Variants in SIX5 observed in about 807,000 individuals in gnomAD.
SIX5 encodes the protein SIX homeobox 5.
Under a neutral mutation model 37.1 loss-of-function variants are expected in SIX5, and 21 were observed. The observed-to-expected ratio is 0.57, with a 90% CI of 0.40 to 0.81. SIX5 has a LOEUF of 0.81. SIX5 is among the 40% of genes least tolerant of loss of function. The pLI, the probability that SIX5 is intolerant of heterozygous loss-of-function variation, is 0.00. For synonymous variants in SIX5, 626 were observed against 505.9 expected (o/e 1.24, Z -3.19); for missense variants, 1,137 against 1,025.1 (o/e 1.11, Z -1.49).
At position 45,766,959 on chromosome 19, in the gene SIX5, G is replaced by C. The variant is rs368919157; in HGVS notation, c.1000C>G (p.Pro334Ala). The C allele has an allele frequency of 1.3e-6, 2 of 1,587,964 alleles. No homozygotes were observed. Among genetic ancestry groups the C allele is most frequent in the Non-Finnish European group, 1.7e-6 (2 of 1,169,472 alleles). ...NGSFLAASGS[P>A]AVLLNGGPVI... is the part of the protein sequence containing the mutation. ...GGGCCCCCGTTGAGGAGCACTGCTGGGGAGCCGCTGGCTGCCAGGAAGCTC... is the reference window on the plus strand; with the variant it reads ...GGGCCCCCGTTGAGGAGCACTGCTGCGGAGCCGCTGGCTGCCAGGAAGCTC... The change falls in exon 2 of 3, where the codon CCA (proline) becomes GCA (alanine). Residue 334 changes from proline (P) to alanine (A), a missense_variant. Around this residue, in one of 3 missense-constraint regions of SIX5, gnomAD observed 787 missense variants for 621.4 expected, o/e 1.27. Coordinates refer to ENST00000317578, the MANE Select transcript of SIX5 (RefSeq NM_175875.5).
chr19:45,766,217 G>GT (rs1015194284), intron 2 of SIX5, 106 bp from the exon 3 acceptor site: 2 of 1,507,672 alleles, frequency 1.3e-6, no homozygotes, highest in African/African-American at 2.8e-5. Flanking sequence ...GAGCCTTGTG[G>GT]TGGGCCTTGG....
In SIX5 at chr19:45,765,297, T is replaced by G; in HGVS notation, c.*204A>C. 1.4e-6 allele frequency: 1 copy of G among 720,948 alleles called. No homozygotes were observed. The highest frequency in any genetic ancestry group is 1.7e-5 in the African/African-American group (1 of 57,590). The allele number at this position is 720,948 out of a possible 1,614,324, so 44.7% of individuals were successfully genotyped here. On this transcript the variant is annotated 3_prime_UTR_variant, in exon 3 of 3. Transcript: ENST00000317578. The stretch of plus-strand genomic sequence containing the variant: ...TGGGGAGGGCTGTAACAGAGAGGCC[T>G]CCCATCCAAAGGGGGATGGAGACCT...
chr19:45,766,011 G>A lies in SIX5; in HGVS notation c.1710C>T (p.Ser570=). 1 of 1,608,844 alleles carries A rather than the reference G, an allele frequency of 6.2e-7. No homozygotes were observed. The highest frequency in any genetic ancestry group is 1.3e-5 in the African/African-American group (1 of 74,966). The part of the protein sequence containing the change: ...KIILTATFPT[S]MLVSQVLPPA... ...GCGGCAGGACCTGGGAGACGAGCAT[G>A]CTGGTGGGGAAGGTGGCGGTGAGGA... is the stretch of plus-strand genomic sequence containing the variant. The change falls in exon 3 of 3, where the codon AGC becomes AGT. Residue 570 remains serine (S), a synonymous_variant. Transcript: ENST00000317578.
intron 1 of SIX5, chr19:45,767,765 C>T (rs1969108511): frequency 3.7e-6 from 2 of 544,072 alleles, no homozygotes; most frequent in East Asian, 3.1e-5. Flanking sequence ...CCTCTAGTGC[C>T]CCCCGCAGTG....
intron 1 of SIX5, 35 bp downstream of exon 1, chr19:45,768,007 G>C: frequency 6.3e-7 from 1 of 1,584,874 alleles, no homozygotes; most frequent in Non-Finnish European, 8.5e-7. Flanking sequence ...GATGTCCCCG[G>C]GAGAGCTGGA....
chr19:45,767,576 A>C (rs1426678139), intron 1 of SIX5, among the ~76,000 whole-genome samples: 2 of 152,108 alleles, frequency 1.3e-5, no homozygotes, highest in Non-Finnish European at 2.9e-5. Context: ...GTTACAGGGA[A>C]ACCGGAGCTG....
Position 45,765,883 on chromosome 19 carries a change from G to C in SIX5, c.1838C>G (p.Ala613Gly), listed in dbSNP as rs994404687. The change falls in exon 3 of 3, where the codon GCC (alanine) becomes GGC (glycine). Residue 613 changes from alanine (A) to glycine (G), a missense_variant. This residue lies in a region of SIX5 where 787 missense variants were observed against 621.4 expected (regional missense o/e 1.27). Coordinates refer to ENST00000317578, the MANE Select transcript of SIX5 (RefSeq NM_175875.5). Reference sequence around the variant, plus strand: ...CTGCTGTGCAGAAAGGGTGCCTAGGGCGTGAGCCTCTGGGAGAGCAGGGCT... The same window carrying C: ...CTGCTGTGCAGAAAGGGTGCCTAGGCCGTGAGCCTCTGGGAGAGCAGGGCT... The part of the protein sequence containing the change: ...APSPALPEAH[A>G]LGTLSAQQPP... The C allele has an allele frequency of 8.2e-6, 13 of 1,594,576 alleles. No homozygotes were observed. The highest frequency in any genetic ancestry group is 5.2e-5 in the Admixed American group (3 of 57,994).
rs1050656842 is a variant in SIX5, at chr19:45,766,639, C to G, written c.1320G>C (p.Leu440=). 6.8e-7 allele frequency: 1 copy of G among 1,476,858 alleles called. No homozygotes were observed. Among genetic ancestry groups the G allele is most frequent in the Non-Finnish European group, 9.0e-7 (1 of 1,111,672 alleles). The allele number at this position is 1,476,858 out of a possible 1,614,324, so 91.5% of individuals were successfully genotyped here. A position where few individuals can be genotyped will look rare whatever the true frequency, so the allele number is the denominator to read the frequency against. The change falls in exon 2 of 3, where the codon CTG becomes CTC. Residue 440 remains leucine (L), a synonymous_variant. Transcript: ENST00000317578. ...CCACAGCAGGCACTGGCCCCGGGGGCAGAGGAAAGGTGGCAGCCGTCGGGG... is the reference window on the plus strand; with the variant it reads ...CCACAGCAGGCACTGGCCCCGGGGGGAGAGGAAAGGTGGCAGCCGTCGGGG... ...PGPPTAATFP[L]PPGPVPAVAA... is the part of the protein sequence containing the mutation.
At position 45,768,587 on chromosome 19, in the gene SIX5, G is replaced by C. The variant is rs950267055; in HGVS notation, c.258C>G (p.Phe86Leu). The C allele has an allele frequency of 7.4e-6, 10 of 1,359,480 alleles. No individual in the cohort carries two copies. The Admixed American group carries it at 3.9e-4, about 53-fold the overall frequency. 84.2% of individuals were successfully genotyped at this position (1,359,480 alleles called of 1,614,324 possible). The change falls in exon 1 of 3, where the codon TTC becomes TTG. Residue 86 changes from phenylalanine to leucine, a missense_variant. Physicochemically the swap from Phe to Leu is conservative, Grantham distance 22 (BLOSUM62 0). This residue lies in a region of SIX5 where 331 missense variants were observed against 360.9 expected (regional missense o/e 0.92). Transcript: ENST00000317578. ...AASEPPTGLRFSPEQVACVCE... is the reference protein window; with the variant it reads ...AASEPPTGLRLSPEQVACVCE... ...AGACGCACGCCACCTGCTCGGGCGA[G>C]AAGCGGAGGCCCGTGGGCGGTTCGG...
chr19:45,766,275 C>T, intron 2 of SIX5, 75 bp downstream of exon 2: 3 of 1,499,330 alleles, frequency 2.0e-6, no homozygotes, highest in Non-Finnish European at 2.7e-6. Context: ...AGCCCAGGGA[C>T]AGCCCCTCCC....
Position 45,768,939 on chromosome 19 carries a change from T to TC in SIX5, c.-96dup. Reference sequence around the variant, plus strand: ...ACCTGTCCCCCCTTTTCGCCCCCACTCCCCGCTCTTCTCGATCTTCTTTCT... The same window carrying TC: ...ACCTGTCCCCCCTTTTCGCCCCCACTCCCCCGCTCTTCTCGATCTTCTTTCT... On this transcript the variant is annotated 5_prime_UTR_variant, in exon 1 of 3. Coordinates refer to ENST00000317578, the MANE Select transcript of SIX5 (RefSeq NM_175875.5). 1.1e-6 allele frequency: 1 copy of TC among 899,060 alleles called. No individual in the cohort carries two copies. 55.7% of individuals were successfully genotyped at this position (899,060 alleles called of 1,614,324 possible).
Position 45,767,124 on chromosome 19 carries a change from C to T in SIX5, c.835G>A (p.Glu279Lys). ...AGGTCCTCAGGACTTCGGCTGGACT[C>T]GTCCTCAGTCGTGGGATTCCCATCA... ...ESDGNPTTED[E>K]SSRSPEDLER... The change falls in exon 2 of 3, where the codon GAG becomes AAG. Residue 279 changes from glutamate (E) to lysine (K), a missense_variant. Glu to Lys is a moderately conservative substitution (Grantham distance 56). Coordinates refer to ENST00000317578, the MANE Select transcript of SIX5 (RefSeq NM_175875.5). 1.2e-6 allele frequency: 2 copies of T among 1,612,260 alleles called. No individual in the cohort carries two copies. The highest frequency in any genetic ancestry group is 2.2e-5 in the East Asian group (1 of 44,884).
chr19:45,765,842 C>T lies in SIX5; in HGVS notation c.1879G>A (p.Ala627Thr). The change falls in exon 3 of 3, where the codon GCC becomes ACC. Residue 627 changes from alanine to threonine, a missense_variant. Coordinates refer to ENST00000317578, the MANE Select transcript of SIX5 (RefSeq NM_175875.5). ...GGCAGGCTGGTGCTGGAGGTGGTGG[C>T]AGCGGCGGGGGGTGGCTGCTGTGCA... ...LSAQQPPPAAATTSSTSLPFS... is the reference protein window; with the variant it reads ...LSAQQPPPAATTTSSTSLPFS... 6.2e-7 allele frequency: 1 copy of T among 1,600,688 alleles called. No homozygotes were observed. Among genetic ancestry groups the T allele is most frequent in the Non-Finnish European group, 8.5e-7 (1 of 1,179,192 alleles).
Position 45,766,749 on chromosome 19 carries a change from CA to C in SIX5, c.1209del (p.Glu404ArgfsTer63). ...VRLEEAQSEA[P>X]ETKGAQVAAP... Reference sequence around the variant, plus strand: ...GCAGCCACCTGGGCCCCTTTGGTCTCAGGGGCCTCCGACTGAGCCTCCTCCA... The same window carrying C: ...GCAGCCACCTGGGCCCCTTTGGTCTCGGGGCCTCCGACTGAGCCTCCTCCA... On this transcript the variant is annotated frameshift_variant, in exon 2 of 3. Transcript: ENST00000317578. LOFTEE classifies it high-confidence loss of function. 1 of 1,579,282 alleles carries C rather than the reference CA, an allele frequency of 6.3e-7. No homozygotes were observed. Among genetic ancestry groups the C allele is most frequent in the Admixed American group, 1.8e-5 (1 of 56,882 alleles).
chr19:45,768,230 G>GT lies in SIX5; in HGVS notation c.614_615insA (p.Tyr206LeufsTer66). ...CGCGGGAGCGCTCCTTGAAGCAGTA[G>GT]ACTGTCTCCTCGCCGTCCCAGATGG... On this transcript the variant is annotated frameshift_variant, in exon 1 of 3. Transcript: ENST00000317578. LOFTEE classifies it high-confidence loss of function. 3.1e-6 allele frequency: 5 copies of GT among 1,613,230 alleles called. No homozygotes were observed. Among genetic ancestry groups the GT allele is most frequent in the Non-Finnish European group, 4.2e-6 (5 of 1,179,740 alleles).
At position 45,766,831 on chromosome 19, in the gene SIX5, C is replaced by A. The variant is rs982049198; in HGVS notation, c.1128G>T (p.Gly376=). ...CCAGAGAGGTCTTGGTCTCGCTGGC[C>A]CCCTGAGGGCTGGGCTGCGGTGGAG... ...GAPPPQPSPQ[G]ASETKTSLVL... Residue 376 remains glycine, a synonymous_variant, in exon 2 of 3, where the codon GGG becomes GGT. Coordinates refer to ENST00000317578, the MANE Select transcript of SIX5 (RefSeq NM_175875.5). The A allele has an allele frequency of 4.5e-6, 7 of 1,548,654 alleles. No homozygotes were observed. In the African/African-American group the frequency reaches 8.2e-5, roughly 18 times the overall value.
In SIX5 at chr19:45,768,592, G is replaced by C. The variant is rs1484248663; in HGVS notation, c.253C>G (p.Arg85Gly). Residue 85 changes from arginine to glycine, a missense_variant, in exon 1 of 3, where the codon CGC (arginine) becomes GGC (glycine). Transcript: ENST00000317578. ...EAASEPPTGL[R>G]FSPEQVACVC... ...CACGCCACCTGCTCGGGCGAGAAGC[G>C]GAGGCCCGTGGGCGGTTCGGAAGCG... is the stretch of plus-strand genomic sequence containing the variant. The C allele has an allele frequency of 1.5e-6, 2 of 1,353,408 alleles. No homozygotes were observed. Among genetic ancestry groups the C allele is most frequent in the Non-Finnish European group, 9.4e-7 (1 of 1,061,594 alleles). The allele number at this position is 1,353,408 out of a possible 1,614,324, so 83.8% of individuals were successfully genotyped here.
chr19:45,765,390 G>A lies in SIX5; in HGVS notation c.*111C>T. ...GCTTGGAGAGGCCACCCAGGCAGAA[G>A]GATGTGGTGACTGGGGTCTTCAGCA... On this transcript the variant is annotated 3_prime_UTR_variant, in exon 3 of 3. Transcript: ENST00000317578. The A allele has an allele frequency of 6.7e-7, 1 of 1,496,270 alleles. No homozygotes were observed. Among genetic ancestry groups the A allele is most frequent in the South Asian group, 1.1e-5 (1 of 88,138 alleles). The allele number at this position is 1,496,270 out of a possible 1,614,324, so 92.7% of individuals were successfully genotyped here. A position where few individuals can be genotyped will look rare whatever the true frequency, so the allele number is the denominator to read the frequency against.
In SIX5 at chr19:45,765,132, G is replaced by A. The variant is rs1368399531; in HGVS notation, c.*369C>T. ...GGCAGAGCTATTAATAGTGTTTCAGGGAGTGACAGGGAGAGGGCTCTGGGG... is the reference window on the plus strand; with the variant it reads ...GGCAGAGCTATTAATAGTGTTTCAGAGAGTGACAGGGAGAGGGCTCTGGGG... On this transcript the variant is annotated 3_prime_UTR_variant, in exon 3 of 3. Transcript: ENST00000317578. The A allele has an allele frequency of 1.9e-5, 7 of 375,014 alleles. No individual in the cohort carries two copies. The East Asian group carries it at 4.0e-4, about 21-fold the overall frequency. 23.2% of individuals were successfully genotyped at this position (375,014 alleles called of 1,614,324 possible).
Sources: gnomAD v4.1 joint callset for allele counts (sites outside exome capture counted in the v4.1 genomes callset) on GRCh38, gnomAD v4.1.1 for gene constraint, gnomAD v4.1.1 regional missense constraint, MANE v1.5 for transcripts, NCBI Gene and HGNC (gene_info 2026-07-23, HGNC 2026-07-21) for gene names.